EPB41L2: variants seen among roughly 807,000 people sequenced by gnomAD.
EPB41L2 encodes the protein band 4.1-like protein 2.
In EPB41L2, 43 loss-of-function variants were observed where a neutral mutation model predicts 113.0. The observed-to-expected ratio is 0.38, with a 90% confidence interval of 0.30 to 0.49. The LOEUF is 0.49. Ranked by LOEUF, EPB41L2 falls within the 20% of genes least tolerant of loss-of-function variation. EPB41L2 has a pLI of 0.95. For synonymous variants in EPB41L2, 442 were observed against 436.7 expected (o/e 1.01, Z -0.15); for missense variants, 1,147 against 1,223.4 (o/e 0.94, Z 0.93).
At chr6:131,037,438 C>A (rs1793554273) in intron 1 of EPB41L2, among the ~76,000 whole-genome samples, 1 of 151,372 alleles carries the variant, frequency 6.6e-6, no homozygotes, top group Non-Finnish European at 1.5e-5. Context: ...TACACAGGGC[C>A]CAGGGTTTGA....
intron 10 of EPB41L2, among the ~76,000 whole-genome samples, chr6:130,891,557 T>G (rs1170309329): frequency 1.8e-4 from 27 of 152,276 alleles, no homozygotes; most frequent in Admixed American, 1.7e-3. Flanking sequence ...CGAGTGATTC[T>G]CCTGCCTCAG....
At chr6:130,896,161 T>C (rs1402795480) in intron 8 of EPB41L2, among the ~76,000 whole-genome samples, 3 of 152,214 alleles carry the variant, frequency 2.0e-5, no homozygotes, top group Non-Finnish European at 4.4e-5. Context: ...TTTGATACCA[T>C]TTAAATCAGT....
At chr6:130,914,165 T>C (rs762772386) in intron 4 of EPB41L2, among the ~76,000 whole-genome samples, 6 of 152,170 alleles carry the variant, frequency 3.9e-5, no homozygotes, top group Admixed American at 6.5e-5. Flanking sequence ...CCTCATAGGG[T>C]AGTTCTTTTC....
At chr6:130,957,498 A>C (rs1226709241) in intron 1 of EPB41L2, among the ~76,000 whole-genome samples, 1 of 152,108 alleles carries the variant, frequency 6.6e-6, no homozygotes, top group African/African-American at 2.4e-5. Flanking sequence ...GCTATCTTCA[A>C]AGGTGGTAAA....
intron 5 of EPB41L2, among the ~76,000 whole-genome samples, chr6:130,906,663 ATTAAG>A (rs1797818731): frequency 6.6e-6 from 1 of 152,238 alleles, no homozygotes; most frequent in African/African-American, 2.4e-5. Flanking sequence ...AATGAGAATC[ATTAAG>A]TTGTTGGTTG....
intron 1 of EPB41L2, among the ~76,000 whole-genome samples, chr6:131,017,312 A>C (rs537386522): frequency 1.3e-5 from 2 of 152,344 alleles, no homozygotes; most frequent in South Asian, 4.1e-4. Flanking sequence ...AAACAAACTA[A>C]CATTGGCTGG....
chr6:131,050,515 G>T (rs933005304), intron 1 of EPB41L2, among the ~76,000 whole-genome samples: 2 of 152,148 alleles, frequency 1.3e-5, no homozygotes, highest in Admixed American at 1.3e-4. Flanking sequence ...ACAGGCATTA[G>T]ATCATCCTGT....
At chr6:130,979,764 C>T (rs1288479723) in intron 1 of EPB41L2, among the ~76,000 whole-genome samples, 2 of 152,124 alleles carry the variant, frequency 1.3e-5, no homozygotes, top group Non-Finnish European at 2.9e-5. Context: ...GAAGGAAAAG[C>T]TTCCACTTTG....
At chr6:130,988,412 A>G (rs1277630456) in intron 1 of EPB41L2, among the ~76,000 whole-genome samples, 1 of 152,216 alleles carries the variant, frequency 6.6e-6, no homozygotes, top group African/African-American at 2.4e-5. Flanking sequence ...CAGAGGTATG[A>G]GAGATTAACC....
chr6:131,043,348 A>G (rs574917774), intron 1 of EPB41L2, among the ~76,000 whole-genome samples: 6 of 152,212 alleles, frequency 3.9e-5, no homozygotes, highest in African/African-American at 1.4e-4. Flanking sequence ...ACATCCTTAC[A>G]TTTAGTATTT....
intron 1 of EPB41L2, among the ~76,000 whole-genome samples, chr6:131,061,272 CA>C (rs1156465768): frequency 1.3e-5 from 2 of 152,166 alleles, no homozygotes; most frequent in African/African-American, 2.4e-5. Context: ...GAATTCTGCC[CA>C]AGAAGTGAGG....
chr6:130,848,199 TCACACACACACACACACA>T (rs66469665), intron 19 of EPB41L2, among the ~76,000 whole-genome samples: 2 of 113,408 alleles, frequency 1.8e-5, no homozygotes, highest in South Asian at 2.9e-4. Flanking sequence ...TCTCTCTCTC[TCACACACACACACACACA>T]CACACACACA....
intron 18 of EPB41L2, among the ~76,000 whole-genome samples, chr6:130,860,325 T>G (rs1781619739): frequency 6.6e-6 from 1 of 152,220 alleles, no homozygotes; most frequent in Non-Finnish European, 1.5e-5. Flanking sequence ...AGGCAACACA[T>G]ATGAAATACA....
intron 19 of EPB41L2, among the ~76,000 whole-genome samples, chr6:130,846,571 T>A (rs971404802): frequency 6.6e-6 from 1 of 152,218 alleles, no homozygotes; most frequent in Non-Finnish European, 1.5e-5. Context: ...ACAGTATCTG[T>A]TCTACAAATA....
chr6:130,890,326 G>T lies in EPB41L2; in HGVS notation c.1628C>A (p.Ser543Tyr). ...TAGACTCCTGGAGACCCGTTTACTA[G>T]AAGTGCGCTCAAAGTGTGGTGCTGG... ...DRPAPHFERT[S>Y]SKRVSRSLDG... The change falls in exon 11 of 20, where the codon TCT becomes TAT. Residue 543 changes from serine to tyrosine, a missense_variant. Transcript: ENST00000337057. 1.2e-6 allele frequency: 2 copies of T among 1,613,386 alleles called. No individual in the cohort carries two copies. Among genetic ancestry groups the T allele is most frequent in the South Asian group, 1.1e-5 (1 of 90,954 alleles).
At chr6:131,033,174 A>T (rs1404563148) in intron 1 of EPB41L2, among the ~76,000 whole-genome samples, 1 of 152,032 alleles carries the variant, frequency 6.6e-6, no homozygotes, top group African/African-American at 2.4e-5. Context: ...GTGCCTGGCC[A>T]GGATGGCTAT....
intron 5 of EPB41L2, among the ~76,000 whole-genome samples, chr6:130,905,433 T>C (rs1797444617): frequency 6.6e-6 from 1 of 151,844 alleles, no homozygotes; most frequent in Non-Finnish European, 1.5e-5. Flanking sequence ...TTTTTTTTTT[T>C]TCTGAGACAG....
chr6:130,953,461 G>A (rs1000927400), intron 3 of EPB41L2, among the ~76,000 whole-genome samples: 2 of 152,020 alleles, frequency 1.3e-5, no homozygotes, highest in Non-Finnish European at 2.9e-5. Flanking sequence ...GGTGGGAATT[G>A]AACAATGAGA....
intron 1 of EPB41L2, among the ~76,000 whole-genome samples, chr6:131,006,970 C>T (rs1398341860): frequency 1.3e-5 from 2 of 152,168 alleles, no homozygotes; most frequent in East Asian, 3.8e-4. Flanking sequence ...CATCTTAACT[C>T]CTTTGCCCCT....
Sources: gnomAD v4.1 joint callset for allele counts (sites outside exome capture counted in the v4.1 genomes callset) on GRCh38, gnomAD v4.1.1 for gene constraint, MANE v1.5 for transcripts, NCBI Gene and HGNC (gene_info 2026-07-23, HGNC 2026-07-21) for gene names.